LBR: variants seen among roughly 807,000 people sequenced by gnomAD.
The protein encoded by LBR is lamin B receptor.
LBR carries 28 observed loss-of-function variants against 74.3 expected under a neutral mutation model. That is an observed-to-expected ratio of 0.38 (90% CI 0.28 to 0.52). LBR has a LOEUF of 0.52. Among genes scored for constraint, LBR ranks in the 20% least tolerant of loss-of-function variants. The pLI, the probability that LBR is intolerant of heterozygous loss-of-function variation, is 0.89. For synonymous variants in LBR, 228 were observed against 269.3 expected (o/e 0.85, Z 1.50); for missense variants, 717 against 760.3 (o/e 0.94, Z 0.67).
At chr1:225,417,169 C>T (rs11799479) in intron 6 of LBR, among the ~76,000 whole-genome samples, 103,912 of 152,004 alleles carry the variant, frequency 0.68, 38,026 homozygotes, top group East Asian at 0.89. Flanking sequence ...TCACAAAAAT[C>T]CTTGCTAGAG....
chr1:225,407,111 C>T (rs946566435), intron 10 of LBR, among the ~76,000 whole-genome samples: 2 of 152,204 alleles, frequency 1.3e-5, no homozygotes, highest in South Asian at 4.1e-4. Context: ...TGCTGACAAC[C>T]CCTCCTCCAA....
At chr1:225,403,786 A>G (rs1457342280) in intron 13 of LBR, among the ~76,000 whole-genome samples, 1 of 151,914 alleles carries the variant, frequency 6.6e-6, no homozygotes, top group African/African-American at 2.4e-5. Context: ...GTCTTCCACC[A>G]CAGGCTGGGC....
At chr1:225,406,042 G>A (rs1439432828) in intron 11 of LBR, among the ~76,000 whole-genome samples, 1 of 152,074 alleles carries the variant, frequency 6.6e-6, no homozygotes, top group Non-Finnish European at 1.5e-5. Context: ...AGCCAAACTG[G>A]ACTTCTCAGT....
chr1:225,406,901 T>C, intron 10 of LBR, 69 bp from the exon 11 acceptor site: 1 of 1,485,304 alleles, frequency 6.7e-7, no homozygotes, highest in East Asian at 2.3e-5. Flanking sequence ...AAAGTACTAG[T>C]TTACAGGCAA....
intron 8 of LBR, 118 bp downstream of exon 8, chr1:225,412,336 T>C (rs2096107599): frequency 1.2e-6 from 1 of 857,908 alleles, no homozygotes; most frequent in African/African-American, 1.7e-5. Flanking sequence ...CATTTTTTCT[T>C]ACTTCTCTTC....
intron 5 of LBR, among the ~76,000 whole-genome samples, chr1:225,418,761 T>C (rs2096122109): frequency 6.6e-6 from 1 of 152,152 alleles, no homozygotes; most frequent in African/African-American, 2.4e-5. Context: ...TTTCATCAGT[T>C]CCACCCACTT....
intron 1 of LBR, among the ~76,000 whole-genome samples, chr1:225,426,985 C>A (rs2096140575): frequency 6.6e-6 from 1 of 151,788 alleles, no homozygotes. Context: ...TTCTCCCACA[C>A]ACCAGTTACT....
chr1:225,414,163 G>A, intron 7 of LBR: 1 of 456,644 alleles, frequency 2.2e-6, no homozygotes, highest in Non-Finnish European at 4.4e-6. Flanking sequence ...CCAATGATAA[G>A]TATTAAGCAC....
intron 10 of LBR, among the ~76,000 whole-genome samples, chr1:225,407,707 C>T (rs1419399698): frequency 2.0e-5 from 3 of 152,148 alleles, no homozygotes; most frequent in Non-Finnish European, 4.4e-5. Context: ...CCAGTATAAG[C>T]TCTGTTGGAG....
intron 8 of LBR, 40 bp from the exon 9 acceptor site, chr1:225,411,480 C>G (rs762849282): frequency 6.8e-7 from 1 of 1,479,110 alleles, no homozygotes; most frequent in African/African-American, 1.4e-5. Context: ...GCATTCCAAA[C>G]CCAGTCAGGA....
intron 5 of LBR, among the ~76,000 whole-genome samples, chr1:225,419,030 G>C (rs1231730687): frequency 3.3e-5 from 5 of 152,314 alleles, no homozygotes; most frequent in Non-Finnish European, 5.9e-5. Context: ...ACTGCTAAAA[G>C]TTTTAAACAC....
intron 8 of LBR, 136 bp downstream of exon 8, chr1:225,412,318 C>A: frequency 1.3e-6 from 1 of 772,630 alleles, no homozygotes; most frequent in Non-Finnish European, 2.2e-6. Context: ...CGTTTTTCTT[C>A]ATCTTTTCAT....
chr1:225,426,438 C>A (rs6673410), intron 1 of LBR, among the ~76,000 whole-genome samples: 3,716 of 152,246 alleles, frequency 0.024, 165 homozygotes, highest in African/African-American at 0.084. Flanking sequence ...TTCACTGCAC[C>A]CAATGTCCTC....
Position 225,406,835 on chromosome 1 carries a change from A to G in LBR, c.1315-3T>C. The G allele has an allele frequency of 1.2e-6, 2 of 1,614,004 alleles. No homozygotes were observed. Among genetic ancestry groups the G allele is most frequent in the South Asian group, 1.1e-5 (1 of 91,088 alleles). ...TCCATGGTCGTCAACAACGCTTCCT[A>G]TAAGGATACAGACGGGGAAAGGGAG... On this transcript the variant is annotated splice_polypyrimidine_tract_variant and splice_region_variant and intron_variant, in intron 10 of 13. Transcript: ENST00000272163.
chr1:225,415,779 T>A (rs1342771284), intron 6 of LBR, among the ~76,000 whole-genome samples: 1 of 152,214 alleles, frequency 6.6e-6, no homozygotes, highest in Middle Eastern at 3.2e-3. Context: ...ACCCTGTTTA[T>A]CCACTCTACT....
chr1:225,406,620 C>A (rs373395141), intron 11 of LBR, 44 bp downstream of exon 11: 1 of 1,536,752 alleles, frequency 6.5e-7, no homozygotes, highest in African/African-American at 1.4e-5. Flanking sequence ...AGCCTCAGTA[C>A]ATAATATTTA....
chr1:225,405,489 G>A (rs2096089655), intron 11 of LBR, among the ~76,000 whole-genome samples: 1 of 152,178 alleles, frequency 6.6e-6, no homozygotes, highest in Non-Finnish European at 1.5e-5. Context: ...GCTATCACAG[G>A]AGTGGGCTCA....
chr1:225,417,878 G>C, intron 6 of LBR, 106 bp downstream of exon 6: 3 of 1,003,136 alleles, frequency 3.0e-6, no homozygotes, highest in Non-Finnish European at 3.1e-6. Flanking sequence ...AGCGACTCAG[G>C]AGGCTGCGGC....
rs775143352 is a variant in LBR, at chr1:225,411,456, T to A, written c.1085-16A>T. The A allele has an allele frequency of 6.3e-7, 1 of 1,587,910 alleles. No individual in the cohort carries two copies. The highest frequency in any genetic ancestry group is 8.6e-7 in the Non-Finnish European group (1 of 1,156,198). On this transcript the variant is annotated splice_polypyrimidine_tract_variant and intron_variant, in intron 8 of 13. Transcript: ENST00000272163. Reference sequence around the variant, plus strand: ...ACAGCATTTCCTGAGAAAGGAAAAGTGTTTACCCAAACAGCATTCCAAACC... The same window carrying A: ...ACAGCATTTCCTGAGAAAGGAAAAGAGTTTACCCAAACAGCATTCCAAACC...
Sources: gnomAD v4.1 joint callset for allele counts (sites outside exome capture counted in the v4.1 genomes callset) on GRCh38, gnomAD v4.1.1 for gene constraint, MANE v1.5 for transcripts, NCBI Gene and HGNC (gene_info 2026-07-23, HGNC 2026-07-21) for gene names.